CADPS: variants seen among roughly 807,000 people sequenced by gnomAD.
CADPS encodes calcium dependent secretion activator, also known as calcium-dependent secretion activator 1.
CADPS carries 57 observed loss-of-function variants against 167.3 expected under a neutral mutation model. The ratio of observed to expected loss-of-function variants is 0.34; its 90% CI spans 0.28 to 0.42. The LOEUF (loss-of-function observed/expected upper bound fraction) is 0.42, where lower values mean the gene tolerates loss of function less well. Among genes scored for constraint, CADPS ranks in the 20% least tolerant of loss-of-function variants. The pLI is 1.00. For missense variants in CADPS, 1,414 were observed against 1,738.1 expected, an observed-to-expected ratio of 0.81 and a Z score of 3.32; for synonymous variants, 676 against 635.3, an observed-to-expected ratio of 1.06 and a Z score of -0.96.
At chr3:62,464,258 T>C (rs766301999) in intron 26 of CADPS, among the ~76,000 whole-genome samples, 61 of 152,138 alleles carry the variant, frequency 4.0e-4, no homozygotes, top group Non-Finnish European at 7.5e-4. Context: ...ACATTGGCAA[T>C]GGGATTTGAG....
In CADPS at chr3:62,460,897, A is replaced by G. The variant is rs185953892; in HGVS notation, c.3636+4470T>C. Among the ~76,000 whole-genome samples, 358 of 152,266 alleles carry G rather than the reference A, an allele frequency of 2.4e-3. 2 individuals carry two copies. Among genetic ancestry groups the G allele is most frequent in the African/African-American group, 7.8e-3 (325 of 41,560 alleles). ...ATTCTTCCTGTTGTGAGTGGCTTCCATGTTGTGTTGTGACCACCTCAAATG... is the reference window on the plus strand; with the variant it reads ...ATTCTTCCTGTTGTGAGTGGCTTCCGTGTTGTGTTGTGACCACCTCAAATG... On this transcript the variant is annotated intron_variant, in intron 26 of 29. Coordinates refer to ENST00000383710, the MANE Select transcript of CADPS (RefSeq NM_003716.4).
intron 1 of CADPS, among the ~76,000 whole-genome samples, chr3:62,818,962 T>A (rs1169567609): frequency 6.6e-6 from 1 of 151,580 alleles, no homozygotes. Flanking sequence ...ACTTTTATGA[T>A]AATAGGCAAA....
intron 3 of CADPS, among the ~76,000 whole-genome samples, chr3:62,712,079 G>A (rs752706272): frequency 2.6e-5 from 4 of 151,836 alleles, no homozygotes; most frequent in African/African-American, 9.7e-5. Context: ...AAATTTCAAC[G>A]GTATTGTATG....
intron 6 of CADPS, chr3:62,625,723 A>C (rs2063951565): frequency 1.3e-5 from 2 of 150,888 alleles, no homozygotes; most frequent in South Asian, 4.1e-4. Context: ...GTTTTGCTGG[A>C]ATGCCCTTGC....
At chr3:62,652,399 C>CAAAAAAA (rs57075270) in intron 4 of CADPS, among the ~76,000 whole-genome samples, 1 of 120,248 alleles carries the variant, frequency 8.3e-6, no homozygotes, top group African/African-American at 3.3e-5. Flanking sequence ...TCTGTGTGGC[C>CAAAAAAA]AAAAAAAAAA....
chr3:62,655,855 G>C (rs1190931740), intron 4 of CADPS, among the ~76,000 whole-genome samples: 1 of 152,102 alleles, frequency 6.6e-6, no homozygotes, highest in Non-Finnish European at 1.5e-5. Flanking sequence ...GCTGTCACTG[G>C]AGATGAGAAA....
chr3:62,808,350 G>A (rs1040548430), intron 1 of CADPS, among the ~76,000 whole-genome samples: 1 of 152,022 alleles, frequency 6.6e-6, no homozygotes, highest in Admixed American at 6.6e-5. Flanking sequence ...GAGAATGGGA[G>A]AAAAAAAGTA....
At chr3:62,589,555 C>G (rs550978801) in intron 7 of CADPS, among the ~76,000 whole-genome samples, 6 of 152,194 alleles carry the variant, frequency 3.9e-5, no homozygotes, top group African/African-American at 1.4e-4. Flanking sequence ...CAACATGATT[C>G]CTGAAGTAAC....
At chr3:62,522,115 ATC>A (rs2070776474) in intron 13 of CADPS, among the ~76,000 whole-genome samples, 1 of 151,306 alleles carries the variant, frequency 6.6e-6, no homozygotes, top group African/African-American at 2.4e-5. Flanking sequence ...CTATCTATCT[ATC>A]TATCTATCTA....
At chr3:62,451,530 C>T (rs1386162373) in intron 26 of CADPS, among the ~76,000 whole-genome samples, 1 of 151,106 alleles carries the variant, frequency 6.6e-6, no homozygotes, top group Non-Finnish European at 1.5e-5. Context: ...GTGGGTAAGA[C>T]TCAAAGATGG....
rs538568766 is a variant in CADPS at position 62,563,619 on chromosome 3, G to A, written c.1645-6106C>T. On this transcript the variant is annotated intron_variant, in intron 9 of 29. Transcript: ENST00000383710. ...AGTAAGTTCTTTAGTGGTGATTTATGAGATTTTGGTGAACCCATCTCCCAA... is the reference window on the plus strand; with the variant it reads ...AGTAAGTTCTTTAGTGGTGATTTATAAGATTTTGGTGAACCCATCTCCCAA... Among the ~76,000 whole-genome samples, 7 of 152,268 alleles carry A rather than the reference G, an allele frequency of 4.6e-5. No individual in the cohort carries two copies. In the South Asian group the frequency reaches 1.5e-3, roughly 32 times the overall value.
chr3:62,711,218 G>T (rs2083339467), intron 3 of CADPS, among the ~76,000 whole-genome samples: 1 of 152,056 alleles, frequency 6.6e-6, no homozygotes, highest in South Asian at 2.1e-4. Flanking sequence ...TTTAATAATA[G>T]GTATTTATTT....
chr3:62,645,798 G>A lies in CADPS; in HGVS notation c.1249C>T (p.Arg417Cys), dbSNP rs747130261. 2 of 1,613,962 alleles carry A rather than the reference G, an allele frequency of 1.2e-6. No individual in the cohort carries two copies. The highest frequency in any genetic ancestry group is 1.7e-6 in the Non-Finnish European group (2 of 1,179,876). ...VQGLKSLAPN[R>C]IVYCTMEVEG... The stretch of plus-strand genomic sequence containing the variant: ...ACCTCCATTGTGCAATATACGATGC[G>A]ATTTGGAGCCAAAGATTTGAGGCCT... The change falls in exon 6 of 30, where the codon CGC becomes TGC. Residue 417 changes from arginine (R) to cysteine (C), a missense_variant. Physicochemically the swap from Arg to Cys is radical, Grantham distance 180 (BLOSUM62 -3). Coordinates refer to ENST00000383710, the MANE Select transcript of CADPS (RefSeq NM_003716.4).
chr3:62,713,242 C>T (rs1580958881), intron 3 of CADPS, among the ~76,000 whole-genome samples: 1 of 152,122 alleles, frequency 6.6e-6, no homozygotes, highest in African/African-American at 2.4e-5. Flanking sequence ...TCTCCTTCTC[C>T]TGGTAAAGGA....
At chr3:62,625,721 G>A (rs2600851) in intron 6 of CADPS, 140,597 of 150,548 alleles carry the variant, frequency 0.93, 66,349 homozygotes, top group East Asian at 1. Flanking sequence ...TCGTTTTGCT[G>A]GAATGCCCTT....
intron 9 of CADPS, among the ~76,000 whole-genome samples, chr3:62,565,964 G>A (rs1383926421): frequency 2.0e-5 from 3 of 152,190 alleles, no homozygotes. Flanking sequence ...ACTAATGTTG[G>A]ATGTCCTCTC....
chr3:62,737,648 A>G (rs1358763085), intron 3 of CADPS, among the ~76,000 whole-genome samples: 1 of 152,166 alleles, frequency 6.6e-6, no homozygotes, highest in Non-Finnish European at 1.5e-5. Context: ...ATGGCCTAAG[A>G]TAGCCCAGCC....
chr3:62,849,828 A>T (rs2078197896), intron 1 of CADPS, among the ~76,000 whole-genome samples: 2 of 112,144 alleles, frequency 1.8e-5, no homozygotes, highest in African/African-American at 3.5e-5. Flanking sequence ...TTTTCTATTG[A>T]TTGGAATAGT....
At chr3:62,563,610 G>A (rs997884084) in intron 9 of CADPS, among the ~76,000 whole-genome samples, 1 of 152,116 alleles carries the variant, frequency 6.6e-6, no homozygotes, top group Non-Finnish European at 1.5e-5. Context: ...TTCTTTAGTG[G>A]TGATTTATGA....
Sources: gnomAD v4.1 joint callset for allele counts (sites outside exome capture counted in the v4.1 genomes callset) on GRCh38, gnomAD v4.1.1 for gene constraint, MANE v1.5 for transcripts, NCBI Gene and HGNC (gene_info 2026-07-23, HGNC 2026-07-21) for gene names.